Variants in ATP13A4 observed in about 807,000 individuals in gnomAD.
ATP13A4 encodes the protein ATPase 13A4, also known as probable cation-transporting ATPase 13A4.
A neutral mutation model predicts 142.5 loss-of-function variants in ATP13A4; 114 were observed. The ratio of observed to expected loss-of-function variants is 0.80; its 90% CI spans 0.69 to 0.93. ATP13A4 has a LOEUF of 0.93. ATP13A4 is among the 40% of genes least tolerant of loss of function. ATP13A4 has a pLI of 0.00. For missense variants in ATP13A4, 1,392 were observed against 1,454.0 expected (o/e 0.96, Z 0.69); for synonymous variants, 488 against 514.8 (o/e 0.95, Z 0.70).
chr3:193,558,577 C>T (rs1258929864), upstream of ATP13A4, among the ~76,000 whole-genome samples: 1 of 152,154 alleles, frequency 6.6e-6, no homozygotes, highest in East Asian at 1.9e-4. Context: ...ATGCTAATTA[C>T]ACAAGAGTGA....
intron 1 of ATP13A4, among the ~76,000 whole-genome samples, chr3:193,516,424 A>G (rs1721417854): frequency 1.3e-5 from 2 of 152,222 alleles, no homozygotes; most frequent in African/African-American, 4.8e-5. Flanking sequence ...TAGAATGTAG[A>G]TTCTGACATG....
upstream of ATP13A4, among the ~76,000 whole-genome samples, chr3:193,558,450 A>G (rs922921071): frequency 2.6e-5 from 4 of 152,190 alleles, no homozygotes; most frequent in Non-Finnish European, 5.9e-5. Flanking sequence ...AGTTTGATTA[A>G]CTTCAGTATG....
chr3:193,414,817 C>A, intron 25 of ATP13A4, 67 bp from the exon 26 acceptor site: 1 of 1,486,562 alleles, frequency 6.7e-7, no homozygotes, highest in Non-Finnish European at 9.3e-7. Flanking sequence ...AGAAGAATGG[C>A]ATAAGTTCAT....
At chr3:193,413,557 A>C (rs761649325) in intron 26 of ATP13A4, among the ~76,000 whole-genome samples, 3 of 152,182 alleles carry the variant, frequency 2.0e-5, no homozygotes, top group Non-Finnish European at 4.4e-5. Context: ...TTTCCTAGCA[A>C]GGAATATTAA....
At chr3:193,407,579 G>C (rs1714568772) in intron 28 of ATP13A4, among the ~76,000 whole-genome samples, 186 bp from the exon 29 acceptor site, 1 of 151,970 alleles carries the variant, frequency 6.6e-6, no homozygotes, top group African/African-American at 2.4e-5. Context: ...AGTACGGAAA[G>C]GTTATACTTA....
chr3:193,560,545 T>C (rs1156295680), intron 2 of ATP13A4, among the ~76,000 whole-genome samples: 1 of 152,226 alleles, frequency 6.6e-6, no homozygotes, highest in Non-Finnish European at 1.5e-5. Context: ...AATAGGATAC[T>C]TTGAAACAGT....
intron 8 of ATP13A4, among the ~76,000 whole-genome samples, chr3:193,482,805 C>T (rs755992605): frequency 1.2e-4 from 18 of 152,278 alleles, no homozygotes; most frequent in Non-Finnish European, 1.9e-4. Context: ...TAGTGTAAAA[C>T]GGCGCCACTG....
intron 2 of ATP13A4, among the ~76,000 whole-genome samples, chr3:193,511,491 G>A (rs1052990168): frequency 5.9e-5 from 9 of 152,162 alleles, no homozygotes; most frequent in South Asian, 4.1e-4. Flanking sequence ...GAAAAGGCAC[G>A]TCATCCAGAT....
intron 2 of ATP13A4, among the ~76,000 whole-genome samples, chr3:193,564,641 TC>T: frequency 6.6e-6 from 1 of 152,314 alleles, no homozygotes; most frequent in Middle Eastern, 3.4e-3. Context: ...TATTTCAACT[TC>T]AATAAAGTAG....
chr3:193,554,143 C>T (rs1452709095), intron 1 of ATP13A4: 1 of 156,096 alleles, frequency 6.4e-6, no homozygotes, highest in East Asian at 1.9e-4. Flanking sequence ...CAAAGAGATA[C>T]TGAACTACCG....
chr3:193,545,136 G>C (rs1225647585), intron 1 of ATP13A4, among the ~76,000 whole-genome samples: 1 of 152,060 alleles, frequency 6.6e-6, no homozygotes, highest in African/African-American at 2.4e-5. Flanking sequence ...CTTAATTCTT[G>C]GATAGTTTTG....
At chr3:193,584,435 T>C (rs549739348) in intron 1 of ATP13A4, among the ~76,000 whole-genome samples, 1 of 152,288 alleles carries the variant, frequency 6.6e-6, no homozygotes, top group African/African-American at 2.4e-5. Context: ...AGATAATAAA[T>C]TTGTTCTGTT....
chr3:193,505,247 C>A (rs1240510411), intron 2 of ATP13A4, among the ~76,000 whole-genome samples: 2 of 152,174 alleles, frequency 1.3e-5, no homozygotes, highest in Non-Finnish European at 2.9e-5. Flanking sequence ...CTCCTGACAG[C>A]ATAGAATCTA....
chr3:193,487,913 T>C (rs1007582492), intron 7 of ATP13A4, among the ~76,000 whole-genome samples: 4 of 152,112 alleles, frequency 2.6e-5, no homozygotes, highest in African/African-American at 7.2e-5. Context: ...TTACGGTACA[T>C]CTAGAGAAAA....
chr3:193,533,331 T>A (rs1156659825), intron 1 of ATP13A4, among the ~76,000 whole-genome samples: 3 of 152,066 alleles, frequency 2.0e-5, no homozygotes, highest in Non-Finnish European at 4.4e-5. Context: ...ATGGATTTTA[T>A]ATAGAAAACA....
intron 12 of ATP13A4, among the ~76,000 whole-genome samples, chr3:193,463,140 C>T (rs1718057133): frequency 6.6e-6 from 1 of 152,100 alleles, no homozygotes; most frequent in Admixed American, 6.5e-5. Context: ...CCGTTGGAAG[C>T]GTTGATGAGC....
At chr3:193,422,100 G>A (rs1715432511) in intron 25 of ATP13A4, among the ~76,000 whole-genome samples, 1 of 149,826 alleles carries the variant, frequency 6.7e-6, no homozygotes, top group Non-Finnish European at 1.5e-5. Flanking sequence ...AGAGATAGAA[G>A]AAGATATTCT....
At chr3:193,468,036 A>G (rs1354998912) in intron 9 of ATP13A4, among the ~76,000 whole-genome samples, 1 of 152,132 alleles carries the variant, frequency 6.6e-6, no homozygotes, top group Non-Finnish European at 1.5e-5. Context: ...AAAATCAGCC[A>G]GGTGTGGTGG....
At chr3:193,576,823 G>A (rs373626290) in intron 2 of ATP13A4, among the ~76,000 whole-genome samples, 1 of 152,140 alleles carries the variant, frequency 6.6e-6, no homozygotes, top group African/African-American at 2.4e-5. Context: ...CTACAGAATC[G>A]TCCATGAAGA....
Sources: allele counts gnomAD v4.1 joint callset (sites outside exome capture counted in the v4.1 genomes callset), GRCh38; gene constraint gnomAD v4.1.1; transcripts MANE v1.5; gene names NCBI Gene and HGNC (gene_info 2026-07-23, HGNC 2026-07-21).